RCAN1: variants seen among roughly 807,000 people sequenced by gnomAD.
RCAN1 encodes calcipressin-1.
In RCAN1, 11 loss-of-function variants were observed where a neutral mutation model predicts 22.9. The observed-to-expected ratio is 0.48, with a 90% CI of 0.30 to 0.79. The LOEUF (loss-of-function observed/expected upper bound fraction) is 0.79. RCAN1 is among the 30% of genes least tolerant of loss of function. The probability of loss-of-function intolerance (pLI) is 0.06; values close to 1 mark genes in which losing one functional copy is unlikely to be tolerated. For missense variants in RCAN1, 291 were observed against 337.8 expected, an observed-to-expected ratio of 0.86 and a Z score of 1.09; for synonymous variants, 136 against 142.3, an observed-to-expected ratio of 0.96 and a Z score of 0.32.
intron 1 of RCAN1, among the ~76,000 whole-genome samples, chr21:34,541,471 C>T (rs1242816344): frequency 2.0e-5 from 3 of 152,210 alleles, no homozygotes; most frequent in Non-Finnish European, 4.4e-5. Context: ...TGTCATGTGG[C>T]ATCAAATAAG....
chr21:34,531,605 G>A (rs768165136), intron 1 of RCAN1, among the ~76,000 whole-genome samples: 7 of 152,176 alleles, frequency 4.6e-5, no homozygotes, highest in African/African-American at 1.7e-4. Flanking sequence ...GCTCGGTCAC[G>A]TTCCTCTCCC....
Position 34,615,063 on chromosome 21 carries a change from C to T in RCAN1, c.-52G>A. On this transcript the variant is annotated 5_prime_UTR_variant, in exon 1 of 4. Transcript: ENST00000313806. The stretch of plus-strand genomic sequence containing the variant: ...CCCAGCGGGCTGCTCCGGGCTTGCG[C>T]GCCGGAGCCTCACGCGCTCCGGTCC... 9.8e-7 allele frequency: 1 copy of T among 1,015,488 alleles called. No individual in the cohort carries two copies. Among genetic ancestry groups the T allele is most frequent in the South Asian group, 4.5e-5 (1 of 22,088 alleles). The allele number at this position is 1,015,488 out of a possible 1,614,324, so 62.9% of individuals were successfully genotyped here.
intron 1 of RCAN1, chr21:34,613,962 A>G (rs1351898104): frequency 3.4e-6 from 3 of 888,272 alleles, no homozygotes; most frequent in Non-Finnish European, 4.7e-6. Flanking sequence ...CACGTTGTCC[A>G]CATTTTATTC....
chr21:34,585,749 A>G (rs1987770839), intron 1 of RCAN1, among the ~76,000 whole-genome samples: 1 of 150,690 alleles, frequency 6.6e-6, no homozygotes, highest in African/African-American at 2.4e-5. Flanking sequence ...TCTCAAAAAA[A>G]AAAAAAAAAA....
Position 34,523,666 on chromosome 21 carries a change from G to A in RCAN1, c.297C>T (p.Thr99=), listed in dbSNP as rs1284947294. Residue 99 remains threonine, a synonymous_variant, in exon 2 of 4, where the codon ACC becomes ACT. Coordinates refer to ENST00000313806, the MANE Select transcript of RCAN1 (RefSeq NM_004414.7). The part of the protein sequence containing the change: ...SLFRTYDKDI[T]FQYFKSFKRV... The stretch of plus-strand genomic sequence containing the variant: ...GTTTGAAGCTCTTAAAATACTGAAA[G>A]GTGATGTCCTTGTCATACGTCCTAA... 1 of 1,614,104 alleles carries A rather than the reference G, an allele frequency of 6.2e-7. No homozygotes were observed.
At chr21:34,527,722 T>G (rs1283005872) in intron 1 of RCAN1, among the ~76,000 whole-genome samples, 1 of 152,162 alleles carries the variant, frequency 6.6e-6, no homozygotes, top group Non-Finnish European at 1.5e-5. Context: ...TTTTTGAATT[T>G]TTGCCATCAG....
chr21:34,560,739 C>T (rs1986759000), intron 1 of RCAN1, among the ~76,000 whole-genome samples: 1 of 152,074 alleles, frequency 6.6e-6, no homozygotes, highest in Non-Finnish European at 1.5e-5. Flanking sequence ...ACAAAGACAT[C>T]AGAAGAATGA....
chr21:34,588,782 G>A (rs1451923072), intron 1 of RCAN1, among the ~76,000 whole-genome samples: 2 of 152,210 alleles, frequency 1.3e-5, no homozygotes, highest in Admixed American at 6.5e-5. Flanking sequence ...CAACCCCAGT[G>A]TAGATCAATG....
chr21:34,521,321 C>G, intron 3 of RCAN1, 178 bp downstream of exon 3: 2 of 1,485,704 alleles, frequency 1.3e-6, no homozygotes, highest in Non-Finnish European at 1.8e-6. Context: ...CAGGTGGTGC[C>G]AAGAGGCAGG....
chr21:34,613,637 G>A (rs1988738031), intron 1 of RCAN1: 4 of 956,508 alleles, frequency 4.2e-6, no homozygotes, highest in Non-Finnish European at 4.3e-6. Context: ...GAGAGGAAAA[G>A]GTTTTAGAGT....
At chr21:34,550,770 G>A (rs938792234) in intron 1 of RCAN1, among the ~76,000 whole-genome samples, 6 of 152,116 alleles carry the variant, frequency 3.9e-5, no homozygotes, top group Non-Finnish European at 8.8e-5. Context: ...CATCCTTATA[G>A]GTCTCTACAG....
At chr21:34,597,506 T>C (rs1988201594) in intron 1 of RCAN1, among the ~76,000 whole-genome samples, 1 of 152,202 alleles carries the variant, frequency 6.6e-6, no homozygotes, top group Non-Finnish European at 1.5e-5. Flanking sequence ...GAATTGTGTG[T>C]CAGCTTGGAG....
In RCAN1 at chr21:34,517,924, A is replaced by G. The variant is rs1273312319; in HGVS notation, c.*160T>C. 3.7e-6 allele frequency: 3 copies of G among 813,360 alleles called. No individual in the cohort carries two copies. The highest frequency in any genetic ancestry group is 3.4e-5 in the African/African-American group (2 of 58,244). The allele number at this position is 813,360 out of a possible 1,614,324, so 50.4% of individuals were successfully genotyped here. On this transcript the variant is annotated 3_prime_UTR_variant, in exon 4 of 4. Transcript: ENST00000313806. ...AGTAACTGGTGTGCAGCATTAGAACAAGGGGACACGGCCTTGATTCTCTTC... is the reference window on the plus strand; with the variant it reads ...AGTAACTGGTGTGCAGCATTAGAACGAGGGGACACGGCCTTGATTCTCTTC...
chr21:34,607,616 C>A (rs1369895329), intron 1 of RCAN1, among the ~76,000 whole-genome samples: 1 of 152,178 alleles, frequency 6.6e-6, no homozygotes. Flanking sequence ...GTCTGGAACT[C>A]CTGGCCTCCC....
rs1334316654 is a variant in RCAN1 at position 34,563,784 on chromosome 21, T to C, written c.253-40074A>G. ...AAAAAAAAAAAAATATATATATATA[T>C]ATATATATATAGAGAGAGAGAGAGA... On this transcript the variant is annotated intron_variant, in intron 1 of 3. Transcript: ENST00000313806. 3.8e-5 allele frequency among the ~76,000 whole-genome samples: 4 copies of C among 105,752 alleles called. No individual in the cohort carries two copies. The East Asian group carries it at 9.0e-4, about 24-fold the overall frequency. 69.4% of individuals were successfully genotyped at this position (105,752 alleles called of 152,430 possible).
intron 1 of RCAN1, among the ~76,000 whole-genome samples, chr21:34,571,109 C>G (rs961943705): frequency 1.3e-5 from 2 of 152,080 alleles, no homozygotes; most frequent in African/African-American, 2.4e-5. Context: ...GCCTGACCAA[C>G]ATGGAGAAAC....
At chr21:34,610,668 C>A (rs116057054) in intron 1 of RCAN1, among the ~76,000 whole-genome samples, 3,698 of 152,222 alleles carry the variant, frequency 0.024, 117 homozygotes, top group South Asian at 0.11. Flanking sequence ...GCTTTCCAGG[C>A]GATTCCCAGC....
intron 1 of RCAN1, among the ~76,000 whole-genome samples, chr21:34,613,162 T>C (rs915487157): frequency 6.6e-6 from 1 of 152,156 alleles, no homozygotes; most frequent in African/African-American, 2.4e-5. Flanking sequence ...CTGCTCAAAA[T>C]ATCACCATAT....
intron 1 of RCAN1, among the ~76,000 whole-genome samples, chr21:34,567,235 C>A (rs1987050242): frequency 6.6e-6 from 1 of 152,212 alleles, no homozygotes; most frequent in African/African-American, 2.4e-5. Flanking sequence ...GTGGCTCACG[C>A]CTGTAATCCC....
Sources: allele counts gnomAD v4.1 joint callset (sites outside exome capture counted in the v4.1 genomes callset), GRCh38; gene constraint gnomAD v4.1.1; transcripts MANE v1.5; gene names NCBI Gene and HGNC (gene_info 2026-07-23, HGNC 2026-07-21).